The following SEMA3A variants were observed in gnomAD, a reference collection of about 807,000 sequenced individuals.
The protein encoded by SEMA3A is semaphorin-3A.
SEMA3A carries 29 observed loss-of-function variants against 97.9 expected under a neutral mutation model. That is an observed-to-expected ratio of 0.30 (90% CI 0.22 to 0.40). SEMA3A has a LOEUF of 0.40. Among genes scored for constraint, SEMA3A ranks in the 10% least tolerant of loss-of-function variants. SEMA3A has a pLI of 1.00. For synonymous variants in SEMA3A, 321 were observed against 323.7 expected, an observed-to-expected ratio of 0.99 and a Z score of 0.09; for missense variants, 763 against 951.3, an observed-to-expected ratio of 0.80 and a Z score of 2.60.
intron 1 of SEMA3A, among the ~76,000 whole-genome samples, chr7:84,396,915 A>T (rs907016286): frequency 1.3e-5 from 2 of 152,082 alleles, no homozygotes; most frequent in Non-Finnish European, 2.9e-5. Context: ...GATAATAAAC[A>T]ATTGGCATAT....
At chr7:84,119,105 A>G (rs1226002536) in intron 3 of SEMA3A, among the ~76,000 whole-genome samples, 1 of 152,168 alleles carries the variant, frequency 6.6e-6, no homozygotes, top group Non-Finnish European at 1.5e-5. Context: ...CTGCTTTTTA[A>G]GTGCATATTA....
In SEMA3A at chr7:83,961,430, T is replaced by A. The variant is rs767122031; in HGVS notation, c.2257A>T (p.Asn753Tyr). Residue 753 changes from asparagine to tyrosine, a missense_variant, in exon 17 of 17, where the codon AAT becomes TAT. By Grantham distance (143) the Asn-to-Tyr change is moderately radical. Transcript: ENST00000265362. ...GTCCTCCTGTTTCTACCTTTCTTAT[T>A]TTCTTGTAAGTGCTTCCATTTGTTA... ...NSNKWKHLQE[N>Y]KKGRNRRTHE... 1 of 1,614,096 alleles carries A rather than the reference T, an allele frequency of 6.2e-7. No homozygotes were observed. The highest frequency in any genetic ancestry group is 8.5e-7 in the Non-Finnish European group (1 of 1,179,966).
chr7:83,957,251 TA>T lies in SEMA3A; in HGVS notation c.*4119del, dbSNP rs1487970792. On this transcript the variant is annotated 3_prime_UTR_variant, in exon 17 of 17. Coordinates refer to ENST00000265362, the MANE Select transcript of SEMA3A (RefSeq NM_006080.3). ...AAAGACTTGCTGGATTAGATGATGATAAGTCATCTCGCTCTGTTTCCTTAAT... is the reference window on the plus strand; with the variant it reads ...AAAGACTTGCTGGATTAGATGATGATAGTCATCTCGCTCTGTTTCCTTAAT... 4 of 149,638 alleles carry T rather than the reference TA, an allele frequency of 2.7e-5. No individual in the cohort carries two copies. In the East Asian group the frequency reaches 7.7e-4, roughly 29 times the overall value. The allele number at this position is 149,638 out of a possible 1,614,324, so 9.3% of individuals were successfully genotyped here. A position where few individuals can be genotyped will look rare whatever the true frequency, so the allele number is the denominator to read the frequency against.
At chr7:84,198,203 A>AT (rs1798281308), upstream of SEMA3A, among the ~76,000 whole-genome samples, 1 of 149,088 alleles carries the variant, frequency 6.7e-6, no homozygotes, top group African/African-American at 2.5e-5. Context: ...TTTTTATTTT[A>AT]TTTTTTGTGG....
chr7:84,293,334 G>A (rs925878428), intron 3 of SEMA3A, among the ~76,000 whole-genome samples: 3 of 151,926 alleles, frequency 2.0e-5, no homozygotes, highest in African/African-American at 7.2e-5. Flanking sequence ...AGTTGGAATT[G>A]CTTTCTCATA....
intron 1 of SEMA3A, among the ~76,000 whole-genome samples, chr7:84,425,956 T>C (rs1459346789): frequency 1.3e-5 from 2 of 151,664 alleles, no homozygotes. Context: ...GAGACCAGTA[T>C]TCTAAGTGAA....
chr7:84,120,331 G>A (rs1795571120), intron 3 of SEMA3A, among the ~76,000 whole-genome samples: 1 of 152,004 alleles, frequency 6.6e-6, no homozygotes, highest in South Asian at 2.1e-4. Flanking sequence ...TACCTTATAT[G>A]CAAAATTTGC....
chr7:84,316,064 G>A (rs1264648756), intron 2 of SEMA3A, among the ~76,000 whole-genome samples: 3 of 144,054 alleles, frequency 2.1e-5, no homozygotes, highest in African/African-American at 5.2e-5. Flanking sequence ...AGTTGAGGCA[G>A]GAGGATTTCT....
chr7:84,392,889 T>G (rs1803621419), intron 1 of SEMA3A, among the ~76,000 whole-genome samples: 1 of 151,720 alleles, frequency 6.6e-6, no homozygotes, highest in Admixed American at 6.6e-5. Flanking sequence ...TTAATCAGAT[T>G]ATTTGTTTTC....
At chr7:84,243,462 A>G (rs994845978) in intron 3 of SEMA3A, among the ~76,000 whole-genome samples, 6 of 152,112 alleles carry the variant, frequency 3.9e-5, no homozygotes, top group Admixed American at 1.3e-4. Flanking sequence ...CTCTGATGAT[A>G]GTTTGTATTT....
chr7:84,374,321 C>T (rs1803047786), intron 1 of SEMA3A, among the ~76,000 whole-genome samples: 1 of 152,186 alleles, frequency 6.6e-6, no homozygotes, highest in African/African-American at 2.4e-5. Flanking sequence ...TTCACTGATG[C>T]ACTGCTGATA....
rs564137803 is a variant in SEMA3A, at chr7:84,235,534, G to A, written c.-82-40866C>T. 2.0e-5 allele frequency among the ~76,000 whole-genome samples: 3 copies of A among 151,828 alleles called. No individual in the cohort carries two copies. In the East Asian group the frequency reaches 5.8e-4, roughly 29 times the overall value. On this transcript the variant is annotated intron_variant, in intron 3 of 3. Coordinates refer to the SEMA3A transcript ENST00000424555. ...TCAATATTACTTGAAATATCTGCATGAATAAATATTATTGGAATAAGAAAA... is the reference window on the plus strand; with the variant it reads ...TCAATATTACTTGAAATATCTGCATAAATAAATATTATTGGAATAAGAAAA...
chr7:84,207,184 T>C (rs1798514460), intron 3 of SEMA3A, among the ~76,000 whole-genome samples: 1 of 152,212 alleles, frequency 6.6e-6, no homozygotes, highest in Non-Finnish European at 1.5e-5. Flanking sequence ...ATGGCCTATT[T>C]CCTGTGAGGT....
chr7:83,989,918 G>C (rs1584512508), intron 12 of SEMA3A, among the ~76,000 whole-genome samples: 1 of 151,164 alleles, frequency 6.6e-6, no homozygotes, highest in Non-Finnish European at 1.5e-5. Context: ...GGTAGAACTA[G>C]TTTACAGTCC....
intron 3 of SEMA3A, among the ~76,000 whole-genome samples, chr7:84,293,234 A>T (rs564018613): frequency 7.9e-5 from 12 of 152,198 alleles, no homozygotes; most frequent in Non-Finnish European, 1.8e-4. Context: ...TAGTTGTTTT[A>T]TCCGTACCCT....
intron 3 of SEMA3A, among the ~76,000 whole-genome samples, chr7:84,257,286 T>C (rs541140418): frequency 6.6e-6 from 1 of 151,996 alleles, no homozygotes; most frequent in African/African-American, 2.4e-5. Context: ...TTTATTTTAG[T>C]CTTCACTGGA....
chr7:84,228,348 A>C (rs1799040113), intron 3 of SEMA3A, among the ~76,000 whole-genome samples: 1 of 152,106 alleles, frequency 6.6e-6, no homozygotes, highest in Non-Finnish European at 1.5e-5. Flanking sequence ...CTTATTTAGC[A>C]TTCATTGATT....
chr7:84,381,123 GT>G (rs1470005692), intron 1 of SEMA3A, among the ~76,000 whole-genome samples: 2 of 152,104 alleles, frequency 1.3e-5, no homozygotes, highest in East Asian at 3.9e-4. Flanking sequence ...CGTTCTTGGA[GT>G]TTTCCATATT....
intron 4 of SEMA3A, among the ~76,000 whole-genome samples, chr7:84,067,113 C>T (rs191043125): frequency 3.0e-4 from 45 of 152,150 alleles, no homozygotes; most frequent in Middle Eastern, 6.8e-3. Flanking sequence ...TCAGAAATAA[C>T]GCTGCATATC....
Sources: allele counts gnomAD v4.1 joint callset (sites outside exome capture counted in the v4.1 genomes callset), GRCh38; gene constraint gnomAD v4.1.1; transcripts MANE v1.5; gene names NCBI Gene and HGNC (gene_info 2026-07-23, HGNC 2026-07-21).